NAF1: variants seen among roughly 807,000 people sequenced by gnomAD.
NAF1 encodes H/ACA ribonucleoprotein complex non-core subunit NAF1.
In NAF1, 11 loss-of-function variants were observed where a neutral mutation model predicts 40.6. The observed-to-expected ratio is 0.27, with a 90% confidence interval of 0.17 to 0.45. The LOEUF is 0.45. Among genes scored for constraint, NAF1 ranks in the 20% least tolerant of loss-of-function variants. The pLI, the probability that NAF1 is intolerant of heterozygous loss-of-function variation, is 1.00. For synonymous variants in NAF1, 260 were observed against 228.5 expected (o/e 1.14, Z -1.24); for missense variants, 607 against 611.1 (o/e 0.99, Z 0.07).
chr4:163,119,997 T>C (rs1447552830), intron 2 of NAF1: 1 of 152,238 alleles, frequency 6.6e-6, no homozygotes. Flanking sequence ...ACCAAACTGA[T>C]GTTAAAGAAA....
chr4:163,153,091 G>A (rs887518424), intron 2 of NAF1, among the ~76,000 whole-genome samples: 3 of 152,210 alleles, frequency 2.0e-5, no homozygotes, highest in African/African-American at 7.2e-5. Flanking sequence ...TGCGGGGCAG[G>A]GCTCGGGACC....
chr4:163,137,391 C>G lies in NAF1; in HGVS notation c.879-141G>C, dbSNP rs544322367. 44 of 817,556 alleles carry G rather than the reference C, an allele frequency of 5.4e-5. No individual in the cohort carries two copies. The Middle Eastern group carries it at 9.0e-4, about 17-fold the overall frequency. 50.6% of individuals were successfully genotyped at this position (817,556 alleles called of 1,614,324 possible). On this transcript the variant is annotated intron_variant, in intron 5 of 7. Coordinates refer to ENST00000274054, the MANE Select transcript of NAF1 (RefSeq NM_138386.3). ...TGCAATACAGTTATGTGTCTTTTAC[C>G]TTATTTCAAAAGATGTGGGAAGCTC...
chr4:163,154,999 CAG>C (rs1381563402), intron 2 of NAF1, among the ~76,000 whole-genome samples: 2 of 151,938 alleles, frequency 1.3e-5, no homozygotes, highest in African/African-American at 4.8e-5. Context: ...TTGGCAGGTT[CAG>C]AGAGAACTTT....
intron 2 of NAF1, among the ~76,000 whole-genome samples, chr4:163,156,437 A>G (rs1202843560): frequency 6.7e-6 from 1 of 150,076 alleles, no homozygotes; most frequent in Non-Finnish European, 1.5e-5. Context: ...TAAAAGAATG[A>G]TGAGTAGATA....
At chr4:163,131,469 T>G (rs1730871365) in intron 7 of NAF1, among the ~76,000 whole-genome samples, 1 of 152,156 alleles carries the variant, frequency 6.6e-6, no homozygotes. Context: ...TTCTAAAATT[T>G]ATACTGAAAG....
intron 2 of NAF1, among the ~76,000 whole-genome samples, chr4:163,149,813 A>C (rs1433080382): frequency 1.3e-5 from 2 of 152,170 alleles, no homozygotes; most frequent in Non-Finnish European, 2.9e-5. Context: ...TTTTTACAGA[A>C]GTTCTTAGCT....
downstream of NAF1, among the ~76,000 whole-genome samples, chr4:163,125,078 C>T (rs1302856108): frequency 6.6e-6 from 1 of 152,202 alleles, no homozygotes; most frequent in Non-Finnish European, 1.5e-5. Context: ...ATATAGTGAA[C>T]TTAATGGATA....
chr4:163,108,051 TAG>T (rs1384705476), downstream of NAF1, among the ~76,000 whole-genome samples: 1 of 152,224 alleles, frequency 6.6e-6, no homozygotes, highest in African/African-American at 2.4e-5. Context: ...TTTAGCTTGC[TAG>T]AGTGTGGAAA....
At chr4:163,141,406 T>A (rs1200304125) in intron 4 of NAF1, among the ~76,000 whole-genome samples, 2 of 152,142 alleles carry the variant, frequency 1.3e-5, no homozygotes, top group Non-Finnish European at 2.9e-5. Context: ...CAGTATAGAT[T>A]TTTCCAGTCT....
At chr4:163,166,254 C>A (rs1732456407) in intron 1 of NAF1, 109 bp downstream of exon 1, 2 of 1,368,098 alleles carry the variant, frequency 1.5e-6, no homozygotes, top group African/African-American at 3.0e-5. Context: ...CAACGACCTG[C>A]CCACCCTCCA....
intron 6 of NAF1, chr4:163,133,664 A>C (rs1367195545): frequency 6.3e-6 from 1 of 157,912 alleles, no homozygotes; most frequent in African/African-American, 2.4e-5. Flanking sequence ...GCACTGTTCT[A>C]AACATTTCAC....
At chr4:163,139,217 C>T (rs1330411537) in intron 5 of NAF1, among the ~76,000 whole-genome samples, 1 of 151,930 alleles carries the variant, frequency 6.6e-6, no homozygotes, top group Admixed American at 6.6e-5. Context: ...ACTCAGTGAC[C>T]AAAGTTCCTT....
chr4:163,116,032 AAC>A (rs1318347742), intron 2 of NAF1, among the ~76,000 whole-genome samples: 1 of 152,210 alleles, frequency 6.6e-6, no homozygotes, highest in Admixed American at 6.5e-5. Flanking sequence ...ATAAAGATGC[AAC>A]AGATGCATTC....
rs561445573 is a variant in NAF1, at chr4:163,147,863, T to C, written c.634+478A>G. 4.6e-4 allele frequency among the ~76,000 whole-genome samples: 70 copies of C among 152,242 alleles called. 1 individual carries two copies. Among genetic ancestry groups the C allele is most frequent in the Admixed American group, 4.3e-3 (66 of 15,288 alleles). ...AGAGACAGACGTTACATTACTGGCC[T>C]TCAGGATGAAGAAAGAGAGCCAAAA... On this transcript the variant is annotated intron_variant, in intron 3 of 7. Coordinates refer to ENST00000274054, the MANE Select transcript of NAF1 (RefSeq NM_138386.3).
chr4:163,122,650 G>A (rs1730547852), downstream of NAF1, among the ~76,000 whole-genome samples: 1 of 152,160 alleles, frequency 6.6e-6, no homozygotes, highest in South Asian at 2.1e-4. Context: ...TTGCAATTTA[G>A]TTGCCACTGT....
chr4:163,146,189 T>C (rs1046122419), intron 3 of NAF1, among the ~76,000 whole-genome samples: 16 of 152,230 alleles, frequency 1.1e-4, no homozygotes, highest in African/African-American at 3.9e-4. Context: ...TTACCAAAAA[T>C]AGTGTAATCA....
downstream of NAF1, among the ~76,000 whole-genome samples, chr4:163,105,531 T>C (rs2110777180): frequency 6.6e-6 from 1 of 152,362 alleles, no homozygotes; most frequent in African/African-American, 2.4e-5. Flanking sequence ...CCAATTAATA[T>C]GAATATCCTA....
At chr4:163,129,926 A>G (rs764850713) in intron 7 of NAF1, among the ~76,000 whole-genome samples, 2 of 152,108 alleles carry the variant, frequency 1.3e-5, no homozygotes, top group Non-Finnish European at 2.9e-5. Context: ...TATGGGGAGG[A>G]GTGACAAAGT....
chr4:163,133,144 A>G lies in NAF1; in HGVS notation c.1033+10T>C. On this transcript the variant is annotated intron_variant, in intron 7 of 7. Coordinates refer to ENST00000274054, the MANE Select transcript of NAF1 (RefSeq NM_138386.3). ...GATAAAGAACGAGTATATATATTGT[A>G]TTCACTCACCAGGCTCATTAAATTC... 6.3e-7 allele frequency: 1 copy of G among 1,596,834 alleles called. No individual in the cohort carries two copies. Among genetic ancestry groups the G allele is most frequent in the South Asian group, 1.1e-5 (1 of 90,682 alleles).
Sources: gnomAD v4.1 joint callset for allele counts (sites outside exome capture counted in the v4.1 genomes callset) on GRCh38, gnomAD v4.1.1 for gene constraint, MANE v1.5 for transcripts, NCBI Gene and HGNC (gene_info 2026-07-23, HGNC 2026-07-21) for gene names.